The following CEP162 variants were observed in gnomAD, a reference collection of about 807,000 sequenced individuals.
CEP162 encodes centrosomal protein of 162 kDa.
Under a neutral mutation model 169.2 loss-of-function variants are expected in CEP162, and 141 were observed. The observed-to-expected ratio is 0.83, with a 90% CI of 0.73 to 0.96. The LOEUF (loss-of-function observed/expected upper bound fraction) is 0.96. CEP162 is among the 40% of genes least tolerant of loss of function. The pLI is 0.00. For missense variants in CEP162, 1,600 were observed against 1,587.2 expected (o/e 1.01, Z -0.14); for synonymous variants, 540 against 526.4 (o/e 1.03, Z -0.35).
intron 21 of CEP162, among the ~76,000 whole-genome samples, chr6:84,156,777 C>CACACA (rs1355729442): frequency 6.6e-6 from 1 of 151,886 alleles, no homozygotes; most frequent in African/African-American, 2.4e-5. Flanking sequence ...CACACAAACA[C>CACACA]ACTATTCATC....
chr6:84,150,567 G>GT (rs2099520726), intron 23 of CEP162, among the ~76,000 whole-genome samples: 1 of 152,074 alleles, frequency 6.6e-6, no homozygotes, highest in Non-Finnish European at 1.5e-5. Context: ...CTGAATGATA[G>GT]TAAAAAGTCT....
At chr6:84,170,103 G>T (rs1233161378) in intron 17 of CEP162, among the ~76,000 whole-genome samples, 6 of 152,090 alleles carry the variant, frequency 3.9e-5, no homozygotes, top group Non-Finnish European at 8.8e-5. Context: ...GCCAGGCACG[G>T]TGGCTCACGC....
At chr6:84,143,395 C>A (rs2099517504) in intron 25 of CEP162, among the ~76,000 whole-genome samples, 1 of 151,782 alleles carries the variant, frequency 6.6e-6, no homozygotes, top group Non-Finnish European at 1.5e-5. Flanking sequence ...ATTAAAAGTT[C>A]TAATATACAT....
In CEP162 at chr6:84,160,795, T is replaced by C. The variant is rs890221999; in HGVS notation, c.2781+17A>G. ...ATATATAAAATATGCTCATGAAAAT[T>C]TACCCTGAACACATACTTGTCGCTC... On this transcript the variant is annotated intron_variant, in intron 21 of 26. Coordinates refer to ENST00000403245, the MANE Select transcript of CEP162 (RefSeq NM_014895.4). 4 of 1,496,774 alleles carry C rather than the reference T, an allele frequency of 2.7e-6. No homozygotes were observed. Among genetic ancestry groups the C allele is most frequent in the East Asian group, 2.3e-5 (1 of 44,218 alleles). The allele number at this position is 1,496,774 out of a possible 1,614,324, so 92.7% of individuals were successfully genotyped here. A position where few individuals can be genotyped will look rare whatever the true frequency, so the allele number is the denominator to read the frequency against.
Position 84,160,829 on chromosome 6 carries a change from G to T in CEP162, c.2764C>A (p.Gln922Lys), listed in dbSNP as rs1298847694. The change falls in exon 21 of 27, where the codon CAG (glutamine) becomes AAG (lysine). Residue 922 changes from glutamine (Q) to lysine (K), a missense_variant. Gln to Lys is a moderately conservative substitution (Grantham distance 53, BLOSUM62 1). Coordinates refer to ENST00000403245, the MANE Select transcript of CEP162 (RefSeq NM_014895.4). Reference sequence around the variant, plus strand: ...ACACATACTTGTCGCTCCAGATCCTGAATTTTTTTGGCATCTGCTGCTTTA... The same window carrying T: ...ACACATACTTGTCGCTCCAGATCCTTAATTTTTTTGGCATCTGCTGCTTTA... ...KDKAADAKKIQDLERQVKEME... is the reference protein window; with the variant it reads ...KDKAADAKKIKDLERQVKEME... The T allele has an allele frequency of 6.2e-7, 1 of 1,608,314 alleles. No individual in the cohort carries two copies. The highest frequency in any genetic ancestry group is 2.2e-5 in the East Asian group (1 of 44,814).
At chr6:84,157,923 T>C (rs1215014289) in intron 21 of CEP162, among the ~76,000 whole-genome samples, 2 of 152,206 alleles carry the variant, frequency 1.3e-5, no homozygotes, top group South Asian at 2.1e-4. Context: ...TACTTTAAAA[T>C]GATTTCTTTT....
intron 22 of CEP162, among the ~76,000 whole-genome samples, chr6:84,154,339 T>C (rs1438420428): frequency 6.7e-6 from 1 of 149,718 alleles, no homozygotes; most frequent in Admixed American, 6.6e-5. Flanking sequence ...TATCTGTCTG[T>C]CTGTCTGTCT....
At chr6:84,188,205 A>C (rs1333702775) in intron 11 of CEP162, among the ~76,000 whole-genome samples, 1 of 152,212 alleles carries the variant, frequency 6.6e-6, no homozygotes, top group Non-Finnish European at 1.5e-5. Flanking sequence ...TAGAGGGACA[A>C]GGAATCAAAT....
At chr6:84,172,933 G>A (rs2099530768) in intron 16 of CEP162, among the ~76,000 whole-genome samples, 1 of 152,132 alleles carries the variant, frequency 6.6e-6, no homozygotes. Flanking sequence ...AACCTGTCCT[G>A]GTTGACTGTC....
chr6:84,179,453 T>C (rs898643239), intron 13 of CEP162, among the ~76,000 whole-genome samples: 2 of 152,218 alleles, frequency 1.3e-5, no homozygotes, highest in Admixed American at 6.5e-5. Flanking sequence ...GCTGCATAAA[T>C]GTCTTCTTTT....
chr6:84,213,192 A>G (rs891345985), intron 5 of CEP162, among the ~76,000 whole-genome samples, 168 bp from the exon 6 acceptor site: 2 of 152,240 alleles, frequency 1.3e-5, no homozygotes, highest in African/African-American at 4.8e-5. Context: ...AAACGTTTTG[A>G]AAATAAAGCA....
chr6:84,175,394 A>C (rs756005264), intron 13 of CEP162, 47 bp from the exon 14 acceptor site: 8 of 1,320,514 alleles, frequency 6.1e-6, no homozygotes, highest in Non-Finnish European at 7.3e-6. Context: ...TGTAAAGTTA[A>C]ATGTATACTC....
chr6:84,183,444 T>C (rs1221909439), intron 13 of CEP162, among the ~76,000 whole-genome samples: 1 of 152,142 alleles, frequency 6.6e-6, no homozygotes, highest in Non-Finnish European at 1.5e-5. Context: ...TCCTAGACTA[T>C]TATAAGTAAT....
At chr6:84,186,106 A>T (rs1346236201) in intron 12 of CEP162, among the ~76,000 whole-genome samples, 1 of 152,162 alleles carries the variant, frequency 6.6e-6, no homozygotes, top group Non-Finnish European at 1.5e-5. Context: ...AAAAATGTAT[A>T]AAGAATGGCT....
At chr6:84,176,622 G>A (rs1344104646) in intron 13 of CEP162, among the ~76,000 whole-genome samples, 1 of 152,174 alleles carries the variant, frequency 6.6e-6, no homozygotes, top group Non-Finnish European at 1.5e-5. Flanking sequence ...GACGCTCATA[G>A]AAAAATGCTT....
At chr6:84,152,324 G>T (rs1052605360) in intron 23 of CEP162, among the ~76,000 whole-genome samples, 1 of 152,126 alleles carries the variant, frequency 6.6e-6, no homozygotes, top group Non-Finnish European at 1.5e-5. Context: ...CACAATTTGG[G>T]TTGACACAGA....
chr6:84,149,620 G>A lies in CEP162; in HGVS notation c.3713C>T (p.Ala1238Val). ...REIEKLLCQN[A>V]VENSSSKVAE... ...TACTTTGGAAGAAGAATTTTCTACT[G>A]CATTTTGGCAAAGGAGTTTCTCTAT... The change falls in exon 24 of 27, where the codon GCA becomes GTA. Residue 1238 changes from alanine to valine, a missense_variant. By Grantham distance (64) the Ala-to-Val change is moderately conservative. Transcript: ENST00000403245. 6.2e-7 allele frequency: 1 copy of A among 1,605,456 alleles called. No homozygotes were observed. Among genetic ancestry groups the A allele is most frequent in the African/African-American group, 1.3e-5 (1 of 74,722 alleles).
chr6:84,211,393 T>C (rs998142357), intron 6 of CEP162, among the ~76,000 whole-genome samples: 8 of 150,490 alleles, frequency 5.3e-5, no homozygotes, highest in Admixed American at 5.3e-4. Flanking sequence ...CCAGGTGTGG[T>C]GGTGGGTGCC....
intron 6 of CEP162, among the ~76,000 whole-genome samples, chr6:84,207,623 G>A (rs916850320): frequency 4.0e-5 from 6 of 151,866 alleles, no homozygotes; most frequent in African/African-American, 1.2e-4. Context: ...TGTAAATGAC[G>A]AGTTAACGGG....
Sources: gnomAD v4.1 joint callset for allele counts (sites outside exome capture counted in the v4.1 genomes callset) on GRCh38, gnomAD v4.1.1 for gene constraint, MANE v1.5 for transcripts, NCBI Gene and HGNC (gene_info 2026-07-23, HGNC 2026-07-21) for gene names.